GPC6: variants seen among roughly 807,000 people sequenced by gnomAD.
GPC6 encodes glypican 6.
In GPC6, 14 loss-of-function variants were observed where a neutral mutation model predicts 55.2. That is an observed-to-expected ratio of 0.25 (90% CI 0.17 to 0.40). The LOEUF is 0.40. Ranked by LOEUF, GPC6 falls within the 10% of genes least tolerant of loss-of-function variation. The pLI, the probability that GPC6 is intolerant of heterozygous loss-of-function variation, is 1.00. For missense variants in GPC6, 641 were observed against 708.5 expected (o/e 0.90, Z 1.08); for synonymous variants, 278 against 259.6 (o/e 1.07, Z -0.68).
chr13:93,864,755 C>T (rs1174864025), intron 3 of GPC6, among the ~76,000 whole-genome samples: 2 of 151,618 alleles, frequency 1.3e-5, no homozygotes, highest in Admixed American at 6.6e-5. Context: ...TGCATAAGGT[C>T]ACAAAGCTAG....
intron 2 of GPC6, among the ~76,000 whole-genome samples, chr13:93,672,990 T>C (rs1881433852): frequency 1.3e-5 from 2 of 152,178 alleles, no homozygotes; most frequent in South Asian, 4.1e-4. Context: ...TTTTGTTTTT[T>C]CAAGTAATAA....
chr13:94,198,838 G>A (rs35568280), intron 4 of GPC6, among the ~76,000 whole-genome samples: 1,803 of 152,228 alleles, frequency 0.012, 34 homozygotes, highest in East Asian at 0.052. Context: ...ACCCCCTGCC[G>A]GAGCTGGGAT....
At chr13:93,735,651 T>C (rs1410094293) in intron 2 of GPC6, among the ~76,000 whole-genome samples, 1 of 152,224 alleles carries the variant, frequency 6.6e-6, no homozygotes, top group African/African-American at 2.4e-5. Flanking sequence ...CTAGATACAC[T>C]TCCATTTTGT....
At chr13:93,439,782 A>C (rs1159347751) in intron 1 of GPC6, among the ~76,000 whole-genome samples, 3 of 152,156 alleles carry the variant, frequency 2.0e-5, no homozygotes, top group African/African-American at 7.2e-5. Flanking sequence ...ACATGGCTGA[A>C]TAAGGCTTTT....
chr13:93,244,293 C>T (rs1876529617), intron 1 of GPC6, among the ~76,000 whole-genome samples: 1 of 152,196 alleles, frequency 6.6e-6, no homozygotes, highest in African/African-American at 2.4e-5. Context: ...CTGGGTCCCA[C>T]AGTGCAAGAC....
chr13:94,226,724 C>T (rs1890571078), intron 4 of GPC6, among the ~76,000 whole-genome samples: 2 of 152,262 alleles, frequency 1.3e-5, no homozygotes, highest in African/African-American at 2.4e-5. Context: ...TGAAGGAGAT[C>T]ACTTCTCTCC....
At chr13:93,848,389 C>A (rs1319549240) in intron 3 of GPC6, among the ~76,000 whole-genome samples, 1 of 151,996 alleles carries the variant, frequency 6.6e-6, no homozygotes, top group Non-Finnish European at 1.5e-5. Flanking sequence ...ATATTTCTCC[C>A]TTTCCCGTGC....
At chr13:94,171,386 A>G (rs1888563812) in intron 4 of GPC6, among the ~76,000 whole-genome samples, 1 of 152,202 alleles carries the variant, frequency 6.6e-6, no homozygotes. Context: ...ATGAAACATT[A>G]GGAGACTTTT....
chr13:94,293,140 C>T (rs1875088997), intron 5 of GPC6, among the ~76,000 whole-genome samples: 1 of 152,090 alleles, frequency 6.6e-6, no homozygotes, highest in African/African-American at 2.4e-5. Flanking sequence ...CATGGTTACC[C>T]TTGGTTGAAC....
At chr13:93,427,550 G>T (rs1321754166) in intron 1 of GPC6, among the ~76,000 whole-genome samples, 9 of 152,186 alleles carry the variant, frequency 5.9e-5, no homozygotes, top group Non-Finnish European at 1.3e-4. Context: ...CTAGCCATAT[G>T]TAGAAAGCTG....
intron 1 of GPC6, among the ~76,000 whole-genome samples, chr13:93,297,124 T>C (rs1878522828): frequency 1.3e-5 from 2 of 152,190 alleles, no homozygotes; most frequent in Admixed American, 1.3e-4. Context: ...ATGTGCATCC[T>C]TATATTAATC....
At chr13:93,958,568 C>A (rs79282454) in intron 3 of GPC6, among the ~76,000 whole-genome samples, 4,799 of 152,150 alleles carry the variant, frequency 0.032, 126 homozygotes, top group Non-Finnish European at 0.049. Flanking sequence ...TCTGTTTTTA[C>A]CAGTATCAGC....
chr13:93,992,798 T>C (rs926786267), intron 3 of GPC6, among the ~76,000 whole-genome samples: 1 of 152,178 alleles, frequency 6.6e-6, no homozygotes, highest in Admixed American at 6.5e-5. Flanking sequence ...CTTATAAATT[T>C]AAAAGGACGG....
At chr13:94,193,383 C>T (rs1324727853) in intron 4 of GPC6, among the ~76,000 whole-genome samples, 1 of 152,038 alleles carries the variant, frequency 6.6e-6, no homozygotes, top group Non-Finnish European at 1.5e-5. Flanking sequence ...TTTCAAATGC[C>T]GCTAATGTAA....
chr13:94,278,513 C>T lies in GPC6; in HGVS notation c.878-7836C>T, dbSNP rs556140491. Among the ~76,000 whole-genome samples, 595 of 152,212 alleles carry T rather than the reference C, an allele frequency of 3.9e-3. 6 individuals are homozygous for T. The highest frequency in any genetic ancestry group is 6.9e-3 in the Non-Finnish European group (472 of 68,012). On this transcript the variant is annotated intron_variant, in intron 4 of 8. Transcript: ENST00000377047. ...GAGAGAGGGCATCCTTGTCTTGTAC[C>T]GGTTTTCAAAGGGAATGCTTCCAAC...
intron 2 of GPC6, among the ~76,000 whole-genome samples, chr13:93,607,265 A>G (rs1480808010): frequency 2.0e-5 from 3 of 152,192 alleles, no homozygotes; most frequent in African/African-American, 7.2e-5. Flanking sequence ...TTTGTTCTTC[A>G]CAATTTGCTT....
At chr13:94,067,931 C>G (rs1390278384) in intron 4 of GPC6, among the ~76,000 whole-genome samples, 1 of 152,126 alleles carries the variant, frequency 6.6e-6, no homozygotes, top group Non-Finnish European at 1.5e-5. Context: ...TCAGATTCAC[C>G]ATTGTGTTCA....
intron 2 of GPC6, among the ~76,000 whole-genome samples, chr13:93,689,406 A>T (rs1027430911): frequency 9.2e-5 from 14 of 152,134 alleles, no homozygotes; most frequent in African/African-American, 3.1e-4. Context: ...GTTAAAAGTT[A>T]TATAAGTAAA....
intron 1 of GPC6, among the ~76,000 whole-genome samples, chr13:93,405,112 C>A (rs1032011537): frequency 3.3e-5 from 5 of 152,064 alleles, no homozygotes; most frequent in African/African-American, 1.2e-4. Context: ...TATAAAGAAG[C>A]AAATATACAA....
Sources: gnomAD v4.1 joint callset for allele counts (sites outside exome capture counted in the v4.1 genomes callset) on GRCh38, gnomAD v4.1.1 for gene constraint, MANE v1.5 for transcripts, NCBI Gene and HGNC (gene_info 2026-07-23, HGNC 2026-07-21) for gene names.